TENM4: variants seen among roughly 807,000 people sequenced by gnomAD.
The protein encoded by TENM4 is teneurin transmembrane protein 4.
TENM4 carries 82 observed loss-of-function variants against 243.3 expected under a neutral mutation model. The observed-to-expected ratio is 0.34, with a 90% confidence interval of 0.28 to 0.40. TENM4 has a LOEUF of 0.40. Ranked by LOEUF, TENM4 falls within the 10% of genes least tolerant of loss-of-function variation. The pLI, the probability that TENM4 is intolerant of heterozygous loss-of-function variation, is 1.00. For missense variants in TENM4, 3,138 were observed against 3,673.3 expected (o/e 0.85, Z 3.77); for synonymous variants, 1,412 against 1,456.3 (o/e 0.97, Z 0.69).
At chr11:78,949,122 G>C (rs1225593356) in intron 6 of TENM4, among the ~76,000 whole-genome samples, 2 of 152,124 alleles carry the variant, frequency 1.3e-5, no homozygotes, top group African/African-American at 4.8e-5. Context: ...AACTGCCTCT[G>C]CCAGCTCCCC....
intron 6 of TENM4, among the ~76,000 whole-genome samples, chr11:79,058,533 G>A (rs368630152): frequency 9.0e-4 from 131 of 145,956 alleles, no homozygotes; most frequent in African/African-American, 3.2e-3. Context: ...GACAGAGTGA[G>A]ACTCCATCTC....
intron 3 of TENM4, among the ~76,000 whole-genome samples, chr11:79,162,555 A>C (rs1360207032): frequency 2.0e-5 from 3 of 152,060 alleles, no homozygotes; most frequent in Non-Finnish European, 2.9e-5. Context: ...CAGGAAGATA[A>C]GTATTATTTT....
chr11:79,036,286 C>T (rs898877400), intron 6 of TENM4, among the ~76,000 whole-genome samples: 3 of 152,228 alleles, frequency 2.0e-5, no homozygotes, highest in East Asian at 1.9e-4. Context: ...ATAAACTCCA[C>T]GATGAGTGTT....
At chr11:79,116,000 C>G (rs1861611485) in intron 4 of TENM4, among the ~76,000 whole-genome samples, 1 of 152,122 alleles carries the variant, frequency 6.6e-6, no homozygotes, top group South Asian at 2.1e-4. Flanking sequence ...ATAACTTGGC[C>G]CTTTCAGAAA....
At chr11:79,007,083 A>G (rs1291838406) in intron 6 of TENM4, among the ~76,000 whole-genome samples, 2 of 152,174 alleles carry the variant, frequency 1.3e-5, no homozygotes, top group Non-Finnish European at 2.9e-5. Context: ...CCAGGTCACA[A>G]GCTTGCCAGC....
At chr11:79,071,405 C>A (rs907636565) in intron 4 of TENM4, among the ~76,000 whole-genome samples, 1 of 151,934 alleles carries the variant, frequency 6.6e-6, no homozygotes, top group African/African-American at 2.4e-5. Flanking sequence ...CAGGGTGGGG[C>A]CTTGACAGCT....
At chr11:78,925,543 G>A (rs1370992412) in intron 6 of TENM4, among the ~76,000 whole-genome samples, 1 of 152,158 alleles carries the variant, frequency 6.6e-6, no homozygotes, top group East Asian at 1.9e-4. Flanking sequence ...AAGTGTGGGA[G>A]TTTCCTAAAG....
At chr11:79,222,912 T>A (rs1864191658) in intron 2 of TENM4, among the ~76,000 whole-genome samples, 1 of 152,038 alleles carries the variant, frequency 6.6e-6, no homozygotes, top group Non-Finnish European at 1.5e-5. Context: ...CTTTGTCAGA[T>A]GGGTAGATTG....
intron 1 of TENM4, among the ~76,000 whole-genome samples, chr11:79,346,582 C>T (rs764324351): frequency 6.6e-6 from 1 of 152,090 alleles, no homozygotes; most frequent in Non-Finnish European, 1.5e-5. Context: ...ACTGTTATTG[C>T]CATCTCTGCA....
At chr11:78,916,037 T>C (rs1856308672) in intron 6 of TENM4, among the ~76,000 whole-genome samples, 1 of 152,186 alleles carries the variant, frequency 6.6e-6, no homozygotes, top group Non-Finnish European at 1.5e-5. Context: ...GCATACACAC[T>C]GGTCATATTA....
intron 6 of TENM4, among the ~76,000 whole-genome samples, chr11:79,035,810 A>T (rs992637545): frequency 2.0e-5 from 3 of 152,204 alleles, no homozygotes; most frequent in Non-Finnish European, 4.4e-5. Flanking sequence ...AATACAGAAC[A>T]AGCTGAACAC....
At chr11:79,025,776 C>G (rs1859063833) in intron 6 of TENM4, among the ~76,000 whole-genome samples, 1 of 152,290 alleles carries the variant, frequency 6.6e-6, no homozygotes, top group South Asian at 2.1e-4. Context: ...TGCTGTCAGG[C>G]TGACAACTCT....
intron 2 of TENM4, among the ~76,000 whole-genome samples, chr11:79,226,487 TC>T (rs1864268045): frequency 6.6e-6 from 1 of 152,216 alleles, no homozygotes; most frequent in African/African-American, 2.4e-5. Context: ...ACACAGGCCC[TC>T]ACGGGAAGAA....
At chr11:79,294,736 C>A (rs773633097) in intron 2 of TENM4, among the ~76,000 whole-genome samples, 1 of 152,066 alleles carries the variant, frequency 6.6e-6, no homozygotes, top group Non-Finnish European at 1.5e-5. Flanking sequence ...GTAATCCCAG[C>A]TGCTTGGGAG....
chr11:79,161,514 A>G (rs2135086258), intron 3 of TENM4, among the ~76,000 whole-genome samples: 1 of 152,274 alleles, frequency 6.6e-6, no homozygotes, highest in Non-Finnish European at 1.5e-5. Context: ...AAAGACACAG[A>G]GGGGAAGGCC....
intron 6 of TENM4, among the ~76,000 whole-genome samples, chr11:79,036,009 T>C (rs1591228880): frequency 1.3e-5 from 2 of 152,220 alleles, no homozygotes; most frequent in East Asian, 1.9e-4. Context: ...TGAATCATCT[T>C]TTTAGTGTGT....
chr11:78,675,260 C>T (rs1945468), intron 30 of TENM4, among the ~76,000 whole-genome samples: 4,310 of 152,172 alleles, frequency 0.028, 207 homozygotes, highest in African/African-American at 0.098. Flanking sequence ...AAAAGAGGGG[C>T]TTCAGTGAAC....
intron 3 of TENM4, among the ~76,000 whole-genome samples, chr11:79,159,768 C>T (rs1398940179): frequency 3.3e-5 from 5 of 152,150 alleles, no homozygotes; most frequent in Admixed American, 2.6e-4. Context: ...TTCACTCAAT[C>T]AATTATTCTA....
Position 79,064,973 on chromosome 11 carries a change from T to C in TENM4, c.258A>G (p.Glu86=), listed in dbSNP as rs1007198084. 6.8e-7 allele frequency: 1 copy of C among 1,467,428 alleles called. No homozygotes were observed. 90.9% of individuals were successfully genotyped at this position (1,467,428 alleles called of 1,614,324 possible). ...ANFTLRELGL[E]EVTPPHGTLY... is the part of the protein sequence containing the mutation. ...GGGTCCCGTGAGGGGGCGTTACTTCTTCCAGCCCCAGCTCCCGCAGGGTGA... is the reference window on the plus strand; with the variant it reads ...GGGTCCCGTGAGGGGGCGTTACTTCCTCCAGCCCCAGCTCCCGCAGGGTGA... The change falls in exon 6 of 34, where the codon GAA becomes GAG. Residue 86 remains glutamate (E), a synonymous_variant. Transcript: ENST00000278550.
Sources: gnomAD v4.1 joint callset for allele counts (sites outside exome capture counted in the v4.1 genomes callset) on GRCh38, gnomAD v4.1.1 for gene constraint, MANE v1.5 for transcripts, NCBI Gene and HGNC (gene_info 2026-07-23, HGNC 2026-07-21) for gene names.